The following SPATA31C2 variants were observed in gnomAD, a reference collection of about 807,000 sequenced individuals.
SPATA31C2 encodes the protein spermatogenesis-associated protein 31C2.
Under a neutral mutation model 11.4 loss-of-function variants are expected in SPATA31C2, and 5 were observed. That is an observed-to-expected ratio of 0.44 (90% CI 0.23 to 0.92). The LOEUF is 0.92. SPATA31C2 is among the 40% of genes least tolerant of loss of function. The pLI, the probability that SPATA31C2 is intolerant of heterozygous loss-of-function variation, is 0.24. For missense variants in SPATA31C2, 1,353 were observed against 1,368.6 expected, an observed-to-expected ratio of 0.99 and a Z score of 0.18; for synonymous variants, 515 against 538.7, an observed-to-expected ratio of 0.96 and a Z score of 0.61.
At chr9:88,133,747 C>T (rs991446340) in intron 1 of SPATA31C2, 78 bp from the exon 2 acceptor site, 2 of 1,580,362 alleles carry the variant, frequency 1.3e-6, no homozygotes, top group Non-Finnish European at 1.7e-6. Context: ...ACGCTGCACT[C>T]ATGAACCGCA....
chr9:88,137,929 A>G (rs1191584208), intron 1 of SPATA31C2, among the ~76,000 whole-genome samples: 3,876 of 106,362 alleles, frequency 0.036, 1,311 homozygotes, highest in African/African-American at 0.21. Flanking sequence ...GAGACCTCCC[A>G]TCTCATGACC....
At chr9:88,136,314 C>T (rs1825681377) in intron 1 of SPATA31C2, among the ~76,000 whole-genome samples, 2 of 141,310 alleles carry the variant, frequency 1.4e-5, no homozygotes, top group East Asian at 2.1e-4. Flanking sequence ...TTTATTTTCT[C>T]ATTTTCCATC....
At position 88,130,933 on chromosome 9, in the gene SPATA31C2, C is replaced by T; in HGVS notation, c.2104G>A (p.Glu702Lys). 6.2e-7 allele frequency: 1 copy of T among 1,613,624 alleles called. No homozygotes were observed. The highest frequency in any genetic ancestry group is 1.1e-5 in the South Asian group (1 of 91,064). The change falls in exon 4 of 4, where the codon GAG becomes AAG. Residue 702 changes from glutamate (E) to lysine (K), a missense_variant. Transcript: ENST00000324915. ...TCESGAGSKV[E>K]VATFLGEPPM... The stretch of plus-strand genomic sequence containing the variant: ...GGCTCTCCAAGGAACGTGGCCACCT[C>T]AACTTTTGAGCCAGCCCCAGATTCG...
At position 88,130,466 on chromosome 9, in the gene SPATA31C2, A is replaced by G. The variant is rs1250371693; in HGVS notation, c.2571T>C (p.Ser857=). 6.2e-7 allele frequency: 1 copy of G among 1,613,398 alleles called. No individual in the cohort carries two copies. The highest frequency in any genetic ancestry group is 8.5e-7 in the Non-Finnish European group (1 of 1,179,552). The part of the protein sequence containing the change: ...RKLCLMEEAV[S]EFEPGKATKS... Reference sequence around the variant, plus strand: ...TCGTGGCCTTTCCAGGCTCAAATTCACTAACAGCCTCCTCCATGAGACACA... The same window carrying G: ...TCGTGGCCTTTCCAGGCTCAAATTCGCTAACAGCCTCCTCCATGAGACACA... The change falls in exon 4 of 4, where the codon AGT becomes AGC. Residue 857 remains serine, a synonymous_variant. Transcript: ENST00000324915.
chr9:88,129,612 C>T lies in SPATA31C2; in HGVS notation c.*20G>A, dbSNP rs1479053113. Reference sequence around the variant, plus strand: ...TCGCAGGCCCCATTGCTCATTGTTGCACCGGACACTTTTCAAGGGCTACTG... The same window carrying T: ...TCGCAGGCCCCATTGCTCATTGTTGTACCGGACACTTTTCAAGGGCTACTG... On this transcript the variant is annotated 3_prime_UTR_variant, in exon 4 of 4. Transcript: ENST00000324915. 6.2e-7 allele frequency: 1 copy of T among 1,602,534 alleles called. No homozygotes were observed. The highest frequency in any genetic ancestry group is 8.5e-7 in the Non-Finnish European group (1 of 1,172,720).
rs571446968 is a variant in SPATA31C2, at chr9:88,131,525, C to T, written c.1512G>A (p.Thr504=). 19 of 1,611,664 alleles carry T rather than the reference C, an allele frequency of 1.2e-5. No individual in the cohort carries two copies. The highest frequency in any genetic ancestry group is 9.3e-5 in the African/African-American group (7 of 74,918). ...GGTCCCTCTCTAGCTGGAACTTCAC[C>T]GTCTGTGCCTCCTTGCTGCTTTCAC... ...STGESSKEAQ[T]VKFQLERDPC... Residue 504 remains threonine (T), a synonymous_variant, in exon 4 of 4, where the codon ACG becomes ACA. Transcript: ENST00000324915.
In SPATA31C2 at chr9:88,132,598, G is replaced by A. The variant is rs763089189; in HGVS notation, c.439C>T (p.Pro147Ser). The change falls in exon 4 of 4, where the codon CCT (proline) becomes TCT (serine). Residue 147 changes from proline to serine, a missense_variant. Transcript: ENST00000324915. ...PDGASRSSHE[P>S]TEDAAPIVSP... ...ACAATGGGAGCAGCGTCTTCCGTAG[G>A]CTCATGAGAGGACCGGGAGGCTCCA... 7.5e-6 allele frequency: 12 copies of A among 1,610,004 alleles called. No homozygotes were observed. In the African/African-American group the frequency reaches 1.3e-4, roughly 18 times the overall value.
chr9:88,131,220 G>A lies in SPATA31C2; in HGVS notation c.1817C>T (p.Ala606Val). 1 of 1,611,944 alleles carries A rather than the reference G, an allele frequency of 6.2e-7. No individual in the cohort carries two copies. Among genetic ancestry groups the A allele is most frequent in the Non-Finnish European group, 8.5e-7 (1 of 1,179,876 alleles). ...CACGTGGGTGTTGGAGACGGGAAAA[G>A]CCTGGTTGACAGCAAGCCAGGATCG... ...VRRSWLAVNQ[A>V]FPVSNTHVKT... Residue 606 changes from alanine (A) to valine (V), a missense_variant, in exon 4 of 4, where the codon GCT becomes GTT. Physicochemically the swap from Ala to Val is moderately conservative, Grantham distance 64. This residue lies in a region of SPATA31C2 where 1,075 missense variants were observed against 992.8 expected (regional missense o/e 1.08). Transcript: ENST00000324915.
chr9:88,130,068 T>G lies in SPATA31C2; in HGVS notation c.2969A>C (p.Gln990Pro). The change falls in exon 4 of 4, where the codon CAG becomes CCG. Residue 990 changes from glutamine (Q) to proline (P), a missense_variant. Physicochemically the swap from Gln to Pro is moderately conservative, Grantham distance 76. Coordinates refer to ENST00000324915, the MANE Select transcript of SPATA31C2 (RefSeq NM_001350978.3). ...TPGRKTEDTR[Q>P]NEGVQLLPSK... ...TGGCAGTAGCTGGACGCCTTCATTC[T>G]GACGGGTGTCTTCTGTTTTCCTGCC... 3 of 1,607,940 alleles carry G rather than the reference T, an allele frequency of 1.9e-6. No homozygotes were observed. Among genetic ancestry groups the G allele is most frequent in the Non-Finnish European group, 2.5e-6 (3 of 1,177,204 alleles).
Position 88,131,842 on chromosome 9 carries a change from T to A in SPATA31C2, c.1195A>T (p.Arg399Trp). The change falls in exon 4 of 4, where the codon AGG becomes TGG. Residue 399 changes from arginine (R) to tryptophan (W), a missense_variant. Arg to Trp is a moderately radical substitution (Grantham distance 101, BLOSUM62 -3). Around this residue, in one of 6 missense-constraint regions of SPATA31C2, gnomAD observed 1,075 missense variants for 992.8 expected, o/e 1.08. Transcript: ENST00000324915. ...LSLPETQHPE[R>W]PLLKKQLEGG... Reference sequence around the variant, plus strand: ...TCTAGTTGTTTCTTCAACAAAGGCCTTTCAGGGTGCTGAGTTTCAGGTAGG... The same window carrying A: ...TCTAGTTGTTTCTTCAACAAAGGCCATTCAGGGTGCTGAGTTTCAGGTAGG... 6.2e-7 allele frequency: 1 copy of A among 1,611,372 alleles called. No homozygotes were observed. The highest frequency in any genetic ancestry group is 1.1e-5 in the South Asian group (1 of 90,978).
rs577953098 is a variant in SPATA31C2 at position 88,131,120 on chromosome 9, C to T, written c.1917G>A (p.Glu639=). 2 of 1,612,044 alleles carry T rather than the reference C, an allele frequency of 1.2e-6. No homozygotes were observed. Among genetic ancestry groups the T allele is most frequent in the East Asian group, 2.2e-5 (1 of 44,874 alleles). The part of the protein sequence containing the change: ...VNTAQVLSFL[E]PCTQQVLGAH... ...CTCCCAGCACCTGCTGAGTACACGG[C>T]TCAAGGAAGGAAAGCACCTGGGCTG... The change falls in exon 4 of 4, where the codon GAG becomes GAA. Residue 639 remains glutamate (E), a synonymous_variant. Transcript: ENST00000324915.
Position 88,132,897 on chromosome 9 carries a change from G to A in SPATA31C2, c.326+69C>T. The A allele has an allele frequency of 4.5e-6, 6 of 1,336,324 alleles. 2 individuals carry two copies. In the South Asian group the frequency reaches 8.1e-5, roughly 18 times the overall value. The allele number at this position is 1,336,324 out of a possible 1,614,324, so 82.8% of individuals were successfully genotyped here. A position where few individuals can be genotyped will look rare whatever the true frequency, so the allele number is the denominator to read the frequency against. On this transcript the variant is annotated intron_variant, in intron 3 of 3. Coordinates refer to ENST00000324915, the MANE Select transcript of SPATA31C2 (RefSeq NM_001350978.3). ...TCTCTCCATCCCAGGTCAGCTCCAGGCTGCCTGTGGCCCTGGGGTCACGTC... is the reference window on the plus strand; with the variant it reads ...TCTCTCCATCCCAGGTCAGCTCCAGACTGCCTGTGGCCCTGGGGTCACGTC...
intron 1 of SPATA31C2, among the ~76,000 whole-genome samples, chr9:88,137,003 A>C (rs1217334022): frequency 1.5e-5 from 2 of 131,960 alleles, no homozygotes; most frequent in Admixed American, 1.7e-4. Flanking sequence ...CGTTTGTCTT[A>C]CTATTTTTTA....
Position 88,129,719 on chromosome 9 carries a change from T to G in SPATA31C2, c.3318A>C (p.Arg1106Ser), listed in dbSNP as rs534217570. Residue 1106 changes from arginine (R) to serine (S), a missense_variant, in exon 4 of 4, where the codon AGA (arginine) becomes AGC (serine). By Grantham distance (110) the Arg-to-Ser change is moderately radical. Coordinates refer to ENST00000324915, the MANE Select transcript of SPATA31C2 (RefSeq NM_001350978.3). ...HRHPFYSEHS[R>S]MLSYAASSQQ... ...GACTGCTGGCTGCATAGCTCAGCAT[T>G]CTGCTGTGTTCTGAGTAGAACGGGT... 9 of 1,603,090 alleles carry G rather than the reference T, an allele frequency of 5.6e-6. No homozygotes were observed. The highest frequency in any genetic ancestry group is 4.5e-5 in the East Asian group (2 of 44,470).
In SPATA31C2 at chr9:88,130,509, G is replaced by A. The variant is rs779917415; in HGVS notation, c.2528C>T (p.Ser843Phe). The A allele has an allele frequency of 6.2e-7, 1 of 1,613,372 alleles. No individual in the cohort carries two copies. The highest frequency in any genetic ancestry group is 2.2e-5 in the East Asian group (1 of 44,848). The change falls in exon 4 of 4, where the codon TCC (serine) becomes TTC (phenylalanine). Residue 843 changes from serine (S) to phenylalanine (F), a missense_variant. Physicochemically the swap from Ser to Phe is radical, Grantham distance 155. Transcript: ENST00000324915. The stretch of plus-strand genomic sequence containing the variant: ...GAGACACAGCTTTCTTGGGTCTTGG[G>A]AGACAGACATTCTAGGGAGTAGAGA... ...KSSLLPRMSV[S>F]QDPRKLCLME...
Position 88,133,810 on chromosome 9 carries a change from C to T in SPATA31C2, c.190-141G>A, listed in dbSNP as rs1444155888. 6 of 1,307,056 alleles carry T rather than the reference C, an allele frequency of 4.6e-6. No homozygotes were observed. In the East Asian group the frequency reaches 1.6e-4, roughly 34 times the overall value. 81.0% of individuals were successfully genotyped at this position (1,307,056 alleles called of 1,614,324 possible). On this transcript the variant is annotated intron_variant, in intron 1 of 3. Transcript: ENST00000324915. ...TCTGTGTGCTTCCTCCCCTCCCACT[C>T]ATGTTTAAATGGATGATAAACTGCT... is the stretch of plus-strand genomic sequence containing the variant.
intron 1 of SPATA31C2, among the ~76,000 whole-genome samples, chr9:88,137,964 A>G (rs1825702044): frequency 9.0e-6 from 1 of 111,690 alleles, no homozygotes; most frequent in Non-Finnish European, 1.7e-5. Context: ...TCTCATGACC[A>G]GAGACCTCCC....
In SPATA31C2 at chr9:88,129,700, T is replaced by C; in HGVS notation, c.3337A>G (p.Ser1113Gly). 1 of 1,603,684 alleles carries C rather than the reference T, an allele frequency of 6.2e-7. No homozygotes were observed. Among genetic ancestry groups the C allele is most frequent in the South Asian group, 1.1e-5 (1 of 90,954 alleles). The change falls in exon 4 of 4, where the codon AGC (serine) becomes GGC (glycine). Residue 1113 changes from serine (S) to glycine (G), a missense_variant. Coordinates refer to ENST00000324915, the MANE Select transcript of SPATA31C2 (RefSeq NM_001350978.3). ...TTCTTGAGAGTGGCTTGTTGACTGC[T>C]GGCTGCATAGCTCAGCATTCTGCTG... The part of the protein sequence containing the change: ...EHSRMLSYAA[S>G]SQQATLKNQS...
In SPATA31C2 at chr9:88,130,350, G is replaced by A. The variant is rs1238339041; in HGVS notation, c.2687C>T (p.Ala896Val). ...GAGATGGCCCTGGGGCACTTGAGAAGCCAAATTCTCTGAAGCATGGGGCAC... is the reference window on the plus strand; with the variant it reads ...GAGATGGCCCTGGGGCACTTGAGAAACCAAATTCTCTGAAGCATGGGGCAC... Reference protein sequence around the residue: ...SVVPHASENLASQVPQGHLQS... With the variant: ...SVVPHASENLVSQVPQGHLQS... Residue 896 changes from alanine (A) to valine (V), a missense_variant, in exon 4 of 4, where the codon GCT (alanine) becomes GTT (valine). Transcript: ENST00000324915. 1.9e-6 allele frequency: 3 copies of A among 1,610,358 alleles called. No homozygotes were observed. Among genetic ancestry groups the A allele is most frequent in the South Asian group, 1.1e-5 (1 of 90,916 alleles).
Sources: gnomAD v4.1 joint callset for allele counts (sites outside exome capture counted in the v4.1 genomes callset) on GRCh38, gnomAD v4.1.1 for gene constraint, gnomAD v4.1.1 regional missense constraint, MANE v1.5 for transcripts, NCBI Gene and HGNC (gene_info 2026-07-23, HGNC 2026-07-21) for gene names.